C2orf74: variants seen among roughly 807,000 people sequenced by gnomAD.
C2orf74 encodes DPM1 ER membrane anchor 1.
C2orf74 carries 14 observed loss-of-function variants against 17.9 expected under a neutral mutation model. That is an observed-to-expected ratio of 0.78 (90% CI 0.52 to 1.22). The LOEUF (loss-of-function observed/expected upper bound fraction) is 1.22, where lower values mean the gene tolerates loss of function less well. Ranked by LOEUF, C2orf74 falls within the 50% of genes most tolerant of loss-of-function variation. The probability of loss-of-function intolerance (pLI) is 0.00; values close to 1 mark genes in which losing one functional copy is unlikely to be tolerated. For missense variants in C2orf74, 217 were observed against 218.4 expected, an observed-to-expected ratio of 0.99 and a Z score of 0.04; for synonymous variants, 79 against 72.6, an observed-to-expected ratio of 1.09 and a Z score of -0.44.
intron 1 of C2orf74, among the ~76,000 whole-genome samples, chr2:61,145,421 T>TTTTA (rs905532824): frequency 5.3e-5 from 8 of 152,120 alleles, no homozygotes; most frequent in Non-Finnish European, 1.2e-4. Context: ...TTTTTGTGTT[T>TTTTA]TTTATTTATT....
intron 1 of C2orf74, among the ~76,000 whole-genome samples, chr2:61,150,431 A>G (rs970469777): frequency 6.6e-6 from 1 of 152,204 alleles, no homozygotes; most frequent in African/African-American, 2.4e-5. Context: ...AAGAGGAGTG[A>G]GAGCCACAGT....
chr2:61,150,028 G>C (rs913766657), intron 1 of C2orf74, among the ~76,000 whole-genome samples: 2 of 152,160 alleles, frequency 1.3e-5, no homozygotes, highest in Non-Finnish European at 2.9e-5. Flanking sequence ...AGGTGTTATG[G>C]TCATGTTGCA....
At chr2:61,158,285 A>G (rs966017450), upstream of C2orf74, among the ~76,000 whole-genome samples, 2 of 152,194 alleles carry the variant, frequency 1.3e-5, no homozygotes, top group Admixed American at 6.5e-5. Context: ...AATAAAAATC[A>G]GTGTAGTGTA....
At chr2:61,156,465 G>C (rs995428002) in intron 1 of C2orf74, among the ~76,000 whole-genome samples, 5 of 152,092 alleles carry the variant, frequency 3.3e-5, no homozygotes, top group African/African-American at 1.2e-4. Flanking sequence ...AAAAGATAAA[G>C]AGCTAGAGGC....
At chr2:61,152,778 G>GC (rs1685269960) in intron 1 of C2orf74, among the ~76,000 whole-genome samples, 1 of 148,756 alleles carries the variant, frequency 6.7e-6, no homozygotes, top group African/African-American at 2.5e-5. Flanking sequence ...AACCTGGGAG[G>GC]AGGAGGATGC....
At chr2:61,147,659 T>C (rs1394892602) in intron 1 of C2orf74, among the ~76,000 whole-genome samples, 1 of 152,222 alleles carries the variant, frequency 6.6e-6, no homozygotes, top group African/African-American at 2.4e-5. Flanking sequence ...TTTTTTCTAT[T>C]TTGCCTTTCC....
chr2:61,151,060 G>A (rs1362101526), intron 1 of C2orf74, among the ~76,000 whole-genome samples: 1 of 152,112 alleles, frequency 6.6e-6, no homozygotes, highest in Non-Finnish European at 1.5e-5. Flanking sequence ...GCTCACGCCT[G>A]TAATCCCAGC....
intron 1 of C2orf74, among the ~76,000 whole-genome samples, chr2:61,149,979 C>T (rs1352424517): frequency 2.6e-5 from 4 of 152,158 alleles, no homozygotes; most frequent in Admixed American, 2.6e-4. Flanking sequence ...TAGTCTACTT[C>T]TTGTCCCTGT....
In C2orf74 at chr2:61,149,799, G is replaced by A. The variant is rs536717621; in HGVS notation, c.-122+4603G>A. ...CCTCCATGTTGGTCAGGCTGGTCTC[G>A]AACTCCTGACCTCAGGCGATCCGCC... On this transcript the variant is annotated intron_variant, in intron 1 of 3. Coordinates refer to the C2orf74 transcript ENST00000426997. 1.1e-3 allele frequency among the ~76,000 whole-genome samples: 174 copies of A among 152,004 alleles called. 1 individual carries two copies. Among genetic ancestry groups the A allele is most frequent in the African/African-American group, 3.7e-3 (152 of 41,464 alleles).
chr2:61,157,443 C>T (rs139947295), upstream of C2orf74, among the ~76,000 whole-genome samples: 3 of 152,270 alleles, frequency 2.0e-5, no homozygotes, highest in East Asian at 5.8e-4. Flanking sequence ...GTGTGATGCT[C>T]GTTGCAGTGC....
intron 1 of C2orf74, among the ~76,000 whole-genome samples, chr2:61,148,239 T>G (rs534057004): frequency 6.6e-6 from 1 of 151,088 alleles, no homozygotes; most frequent in Non-Finnish European, 1.5e-5. Context: ...CAAGCTGGAG[T>G]GCAATGGTGC....
chr2:61,154,253 AATT>A (rs1685329518), intron 1 of C2orf74, among the ~76,000 whole-genome samples: 1 of 138,506 alleles, frequency 7.2e-6, no homozygotes, highest in Admixed American at 7.4e-5. Flanking sequence ...AAAAAAAAAA[AATT>A]TAGAATTCAA....
intron 1 of C2orf74, among the ~76,000 whole-genome samples, chr2:61,148,776 G>A (rs1307075690): frequency 6.6e-6 from 1 of 151,988 alleles, no homozygotes; most frequent in African/African-American, 2.4e-5. Flanking sequence ...GAGTGCAATG[G>A]CACAATCTCG....
Position 61,162,623 on chromosome 2 carries a change from C to T in C2orf74, c.95+14C>T. On this transcript the variant is annotated intron_variant, in intron 2 of 4. Coordinates refer to ENST00000432605, the MANE Select transcript of C2orf74 (RefSeq NM_001143959.4). ...TTTATATAAATGGTATAAATCCATG[C>T]TGATAATTGGGATCAGATTTCAAGT... is the stretch of plus-strand genomic sequence containing the variant. 7.0e-7 allele frequency: 1 copy of T among 1,437,594 alleles called. No individual in the cohort carries two copies. The allele number at this position is 1,437,594 out of a possible 1,614,324, so 89.1% of individuals were successfully genotyped here.
intron 1 of C2orf74, among the ~76,000 whole-genome samples, chr2:61,152,484 T>G (rs1467473334): frequency 1.3e-5 from 2 of 150,444 alleles, no homozygotes; most frequent in Non-Finnish European, 3.0e-5. Context: ...GAGCTTGCAG[T>G]GAGCCGAGAT....
chr2:61,162,709 A>G, intron 2 of C2orf74, 100 bp downstream of exon 2: 1 of 1,058,826 alleles, frequency 9.4e-7, no homozygotes, highest in Non-Finnish European at 1.4e-6. Context: ...AAGTAATGAT[A>G]CCATAATTAT....
chr2:61,159,106 C>T (rs1362299910), upstream of C2orf74, among the ~76,000 whole-genome samples: 4 of 152,106 alleles, frequency 2.6e-5, no homozygotes, highest in Non-Finnish European at 4.4e-5. Context: ...AAGCAGTTCT[C>T]CTGCCTCAGC....
At position 61,154,792 on chromosome 2, in the gene C2orf74, TGC is replaced by T. The variant is rs1685345199; in HGVS notation, c.-121-8049_-121-8048del. Among the ~76,000 whole-genome samples, 5 of 152,250 alleles carry T rather than the reference TGC, an allele frequency of 3.3e-5. No individual in the cohort carries two copies. In the South Asian group the frequency reaches 1.0e-3, roughly 32 times the overall value. On this transcript the variant is annotated intron_variant, in intron 1 of 3. Transcript: ENST00000426997. ...AGAAAAGGCTGGGCTAGGTGGCTCATGCCTATGATCCCAGTACTTTGGGAGGC... is the reference window on the plus strand; with the variant it reads ...AGAAAAGGCTGGGCTAGGTGGCTCATCTATGATCCCAGTACTTTGGGAGGC...
intron 1 of C2orf74, among the ~76,000 whole-genome samples, chr2:61,153,149 CAAA>C (rs1166347493): frequency 1.8e-5 from 1 of 56,212 alleles, no homozygotes; most frequent in Non-Finnish European, 3.8e-5. Context: ...ACTCCGTCTC[CAAA>C]AAAAAAAAAA....
Sources: allele counts gnomAD v4.1 joint callset (sites outside exome capture counted in the v4.1 genomes callset), GRCh38; gene constraint gnomAD v4.1.1; transcripts MANE v1.5; gene names NCBI Gene and HGNC (gene_info 2026-07-23, HGNC 2026-07-21).